Variants in THSD4 observed in about 807,000 individuals in gnomAD.
The protein encoded by THSD4 is thrombospondin type 1 domain containing 4.
THSD4 carries 69 observed loss-of-function variants against 119.0 expected under a neutral mutation model. The ratio of observed to expected loss-of-function variants is 0.58; its 90% CI spans 0.48 to 0.71. The LOEUF is 0.71. THSD4 is among the 30% of genes least tolerant of loss of function. The pLI is 0.00. For synonymous variants in THSD4, 524 were observed against 540.4 expected (o/e 0.97, Z 0.42); for missense variants, 1,393 against 1,391.1 (o/e 1.00, Z -0.02).
intron 7 of THSD4, among the ~76,000 whole-genome samples, chr15:71,601,567 A>G (rs2050011962): frequency 6.6e-6 from 1 of 152,200 alleles, no homozygotes; most frequent in African/African-American, 2.4e-5. Context: ...AAGACTTTGA[A>G]CTTAATAAAA....
chr15:71,391,661 A>T (rs2046381327), intron 6 of THSD4, among the ~76,000 whole-genome samples: 1 of 152,212 alleles, frequency 6.6e-6, no homozygotes, highest in African/African-American at 2.4e-5. Flanking sequence ...CTGTAGTCAC[A>T]CGCTTTCCAT....
chr15:71,179,944 A>G (rs1471624601), intron 3 of THSD4, among the ~76,000 whole-genome samples: 1 of 84,794 alleles, frequency 1.2e-5, no homozygotes, highest in African/African-American at 4.2e-5. Flanking sequence ...TTGAACAATG[A>G]GATCACATGG....
At chr15:71,128,667 C>T (rs1022556513) in intron 1 of THSD4, among the ~76,000 whole-genome samples, 2 of 152,060 alleles carry the variant, frequency 1.3e-5, no homozygotes, top group Admixed American at 1.3e-4. Context: ...AAGACTCAAA[C>T]TTAGAGATTC....
At chr15:71,166,452 T>C (rs967802239) in intron 3 of THSD4, among the ~76,000 whole-genome samples, 2 of 152,196 alleles carry the variant, frequency 1.3e-5, no homozygotes, top group Non-Finnish European at 2.9e-5. Context: ...CCAGTAACTG[T>C]CCACACTGGT....
At chr15:71,557,433 T>A (rs2049037898) in intron 7 of THSD4, among the ~76,000 whole-genome samples, 1 of 152,154 alleles carries the variant, frequency 6.6e-6, no homozygotes, top group African/African-American at 2.4e-5. Context: ...GCCTGTAAAC[T>A]TTTCTTTCTT....
intron 8 of THSD4, among the ~76,000 whole-genome samples, chr15:71,662,966 G>A (rs2051339320): frequency 6.6e-6 from 1 of 152,028 alleles, no homozygotes; most frequent in South Asian, 2.1e-4. Flanking sequence ...GAGTCAGTGA[G>A]GGGCGGGCAG....
intron 7 of THSD4, among the ~76,000 whole-genome samples, chr15:71,523,307 C>T (rs574042772): frequency 2.0e-5 from 3 of 152,260 alleles, no homozygotes; most frequent in African/African-American, 7.2e-5. Flanking sequence ...GCATTCCTTG[C>T]CCACTGGCTG....
chr15:71,464,902 T>C (rs1206866793), intron 7 of THSD4, among the ~76,000 whole-genome samples: 3 of 152,184 alleles, frequency 2.0e-5, no homozygotes, highest in Non-Finnish European at 4.4e-5. Context: ...CCTTAAGTCC[T>C]CAATTCCCTA....
At chr15:71,227,334 A>G (rs2044025867) in intron 4 of THSD4, among the ~76,000 whole-genome samples, 2 of 152,258 alleles carry the variant, frequency 1.3e-5, no homozygotes, top group Non-Finnish European at 1.5e-5. Context: ...GCGATGGGCT[A>G]TGGAAAAAGC....
intron 7 of THSD4, among the ~76,000 whole-genome samples, chr15:71,494,573 C>T (rs2047980835): frequency 1.3e-5 from 2 of 151,596 alleles, no homozygotes; most frequent in African/African-American, 2.4e-5. Context: ...ACACGATGGA[C>T]CCCAAGAGAA....
chr15:71,428,217 A>G (rs538364513), intron 7 of THSD4, among the ~76,000 whole-genome samples: 3 of 152,318 alleles, frequency 2.0e-5, no homozygotes, highest in Non-Finnish European at 2.9e-5. Context: ...AGAGCTATGC[A>G]ATACTCATTG....
intron 5 of THSD4, among the ~76,000 whole-genome samples, chr15:71,244,659 A>C (rs1035213816): frequency 2.6e-5 from 4 of 152,210 alleles, no homozygotes; most frequent in Non-Finnish European, 4.4e-5. Context: ...GAATAACAGA[A>C]AAGTCGTGGT....
intron 1 of THSD4, among the ~76,000 whole-genome samples, chr15:71,125,499 T>C (rs1371666060): frequency 6.6e-6 from 1 of 152,244 alleles, no homozygotes; most frequent in East Asian, 1.9e-4. Context: ...ATAAAGTCAC[T>C]AACCTTTTTA....
chr15:71,365,907 A>C (rs1266329509), intron 6 of THSD4, among the ~76,000 whole-genome samples: 1 of 152,130 alleles, frequency 6.6e-6, no homozygotes, highest in African/African-American at 2.4e-5. Flanking sequence ...TCAGTTACTA[A>C]AAGTATCCAT....
intron 6 of THSD4, among the ~76,000 whole-genome samples, chr15:71,382,222 T>C (rs2046237702): frequency 6.6e-6 from 1 of 152,160 alleles, no homozygotes; most frequent in African/African-American, 2.4e-5. Context: ...GACAGGAAAG[T>C]GTTTCGGTAA....
chr15:71,720,553 C>T (rs10152215), intron 8 of THSD4, among the ~76,000 whole-genome samples: 26,486 of 152,082 alleles, frequency 0.17, 3,352 homozygotes, highest in African/African-American at 0.35. Context: ...CATAATAAAA[C>T]GAAATGCTAA....
intron 7 of THSD4, among the ~76,000 whole-genome samples, chr15:71,442,113 C>T (rs1358716315): frequency 6.6e-6 from 1 of 152,080 alleles, no homozygotes; most frequent in Non-Finnish European, 1.5e-5. Flanking sequence ...CATGCACCAC[C>T]ATACCCAGCT....
chr15:71,445,171 C>G (rs577805374), intron 7 of THSD4, among the ~76,000 whole-genome samples: 3 of 152,172 alleles, frequency 2.0e-5, no homozygotes, highest in Non-Finnish European at 4.4e-5. Context: ...GTCATTTCTT[C>G]TATAGTGCTG....
intron 7 of THSD4, among the ~76,000 whole-genome samples, chr15:71,631,510 C>A (rs1239561307): frequency 6.6e-6 from 1 of 152,148 alleles, no homozygotes; most frequent in Non-Finnish European, 1.5e-5. Context: ...GTGCTCTTTT[C>A]TTCTGGGGTA....
Sources: gnomAD v4.1 joint callset for allele counts (sites outside exome capture counted in the v4.1 genomes callset) on GRCh38, gnomAD v4.1.1 for gene constraint, MANE v1.5 for transcripts, NCBI Gene and HGNC (gene_info 2026-07-23, HGNC 2026-07-21) for gene names.